The following KLRD1 variants were observed in gnomAD, a reference collection of about 807,000 sequenced individuals.
The protein encoded by KLRD1 is natural killer cells antigen CD94.
KLRD1 carries 21 observed loss-of-function variants against 22.6 expected under a neutral mutation model. The ratio of observed to expected loss-of-function variants is 0.93; its 90% confidence interval spans 0.66 to 1.34. The LOEUF is 1.34. Among genes scored for constraint, KLRD1 ranks in the 40% most tolerant of loss-of-function variants. KLRD1 has a pLI of 0.00. For synonymous variants in KLRD1, 59 were observed against 71.1 expected, an observed-to-expected ratio of 0.83 and a Z score of 0.85; for missense variants, 183 against 208.6, an observed-to-expected ratio of 0.88 and a Z score of 0.76.
chr12:10,240,260 C>T (rs981544487), intron 1 of KLRD1, among the ~76,000 whole-genome samples: 3 of 151,954 alleles, frequency 2.0e-5, no homozygotes, highest in African/African-American at 7.3e-5. Flanking sequence ...AGGGTTTTGC[C>T]ATGTTGCCCA....
intron 1 of KLRD1, among the ~76,000 whole-genome samples, chr12:10,241,964 A>G (rs145257261): frequency 7.6e-4 from 116 of 152,022 alleles, no homozygotes; most frequent in African/African-American, 2.7e-3. Context: ...TGACATCACA[A>G]TCTGAGTTGC....
chr12:10,307,990 C>G lies in KLRD1; in HGVS notation c.-88C>G. On this transcript the variant is annotated 5_prime_UTR_variant, in exon 1 of 6. Coordinates refer to ENST00000336164, the MANE Select transcript of KLRD1 (RefSeq NM_002262.5). ...ACTCAACTTTCAGATTCTTTAATCTCCAGCTCAGCTTCAACAATTCAACGC... is the reference window on the plus strand; with the variant it reads ...ACTCAACTTTCAGATTCTTTAATCTGCAGCTCAGCTTCAACAATTCAACGC... The G allele has an allele frequency of 1.7e-6, 2 of 1,186,394 alleles. No homozygotes were observed. The highest frequency in any genetic ancestry group is 1.3e-5 in the South Asian group (1 of 79,008). The allele number at this position is 1,186,394 out of a possible 1,614,324, so 73.5% of individuals were successfully genotyped here. A position where few individuals can be genotyped will look rare whatever the true frequency, so the allele number is the denominator to read the frequency against.
chr12:10,256,857 A>T (rs1341828538), intron 1 of KLRD1, among the ~76,000 whole-genome samples: 1 of 151,920 alleles, frequency 6.6e-6, no homozygotes, highest in African/African-American at 2.4e-5. Flanking sequence ...TACTCTATAG[A>T]ACTCTCTCTA....
chr12:10,279,585 TTC>T (rs1327491772), intron 1 of KLRD1, among the ~76,000 whole-genome samples: 1 of 152,228 alleles, frequency 6.6e-6, no homozygotes, highest in East Asian at 1.9e-4. Flanking sequence ...TGCCCATTAT[TTC>T]TGTTTACAAA....
At position 10,318,337 on chromosome 12, in the gene KLRD1, G is replaced by T. The variant is rs531953302; in HGVS notation, c.*3544G>T. 1 of 152,236 alleles carries T rather than the reference G, an allele frequency of 6.6e-6. No individual in the cohort carries two copies. The highest frequency in any genetic ancestry group is 1.9e-4 in the East Asian group (1 of 5,172). The allele number at this position is 152,236 out of a possible 1,614,324, so 9.4% of individuals were successfully genotyped here. ...ATTTGTTTATTGATAGCTTCCATAT[G>T]AGATAATTACAGATCTTGTCTCTGC... On this transcript the variant is annotated 3_prime_UTR_variant, in exon 6 of 6. Transcript: ENST00000336164.
intron 1 of KLRD1, among the ~76,000 whole-genome samples, chr12:10,283,702 G>A (rs1245856362): frequency 6.6e-6 from 1 of 152,000 alleles, no homozygotes; most frequent in Admixed American, 6.6e-5. Context: ...CCTGGAAGCT[G>A]GTTAGCCATG....
chr12:10,268,943 T>C (rs1201535060), intron 1 of KLRD1, among the ~76,000 whole-genome samples: 1 of 152,216 alleles, frequency 6.6e-6, no homozygotes, highest in Non-Finnish European at 1.5e-5. Context: ...TTATGTTGGC[T>C]CTTTTATGTA....
rs991168860 is a variant in KLRD1 at position 10,275,089 on chromosome 12, C to T, written c.-100-32889C>T. 7.9e-5 allele frequency among the ~76,000 whole-genome samples: 12 copies of T among 152,256 alleles called. No individual in the cohort carries two copies. In the South Asian group the frequency reaches 1.0e-3, roughly 13 times the overall value. Reference sequence around the variant, plus strand: ...ATTTTTAGTAGAGATGGGGTTTCACCATGTTGGTCAGGCTGGTCTCCAACT... The same window carrying T: ...ATTTTTAGTAGAGATGGGGTTTCACTATGTTGGTCAGGCTGGTCTCCAACT... On this transcript the variant is annotated intron_variant, in intron 1 of 5. Transcript: ENST00000544747.
intron 1 of KLRD1, among the ~76,000 whole-genome samples, chr12:10,239,514 C>T (rs28438412): frequency 3.0e-5 from 2 of 67,050 alleles, no homozygotes; most frequent in Non-Finnish European, 6.4e-5. Flanking sequence ...CCCTCCTTCC[C>T]TCCCCTTTCT....
chr12:10,300,095 T>C (rs1037973825), upstream of KLRD1, among the ~76,000 whole-genome samples: 1 of 152,196 alleles, frequency 6.6e-6, no homozygotes, highest in African/African-American at 2.4e-5. Context: ...TGGAATCAAC[T>C]CTTTCCAAAC....
chr12:10,252,349 C>A (rs934325313), intron 1 of KLRD1, among the ~76,000 whole-genome samples: 2 of 151,978 alleles, frequency 1.3e-5, no homozygotes, highest in Admixed American at 6.6e-5. Context: ...ATAAATAATA[C>A]AAAACTTAGC....
In KLRD1 at chr12:10,243,631, A is replaced by G. The variant is rs12305130; in HGVS notation, c.-101+17398A>G. The stretch of plus-strand genomic sequence containing the variant: ...CCAAAAAAAAAAAAAAAAAAAAAAA[A>G]AACCGAAATGAAAGATATGGAACAA... On this transcript the variant is annotated intron_variant, in intron 1 of 5. Transcript: ENST00000544747. 2.2e-3 allele frequency among the ~76,000 whole-genome samples: 264 copies of G among 118,778 alleles called. 17 individuals are homozygous for G. The highest frequency in any genetic ancestry group is 7.0e-3 in the African/African-American group (170 of 24,118). The allele number at this position is 118,778 out of a possible 152,430, so 77.9% of individuals were successfully genotyped here. A position where few individuals can be genotyped will look rare whatever the true frequency, so the allele number is the denominator to read the frequency against.
chr12:10,244,813 C>A (rs1949275889), intron 1 of KLRD1, among the ~76,000 whole-genome samples: 1 of 150,930 alleles, frequency 6.6e-6, no homozygotes, highest in East Asian at 2.0e-4. Flanking sequence ...AAAAAAAAAA[C>A]CAAAACAAAC....
chr12:10,254,708 G>T (rs529819314), intron 1 of KLRD1, among the ~76,000 whole-genome samples: 10 of 151,958 alleles, frequency 6.6e-5, no homozygotes, highest in Non-Finnish European at 1.3e-4. Flanking sequence ...GGTCAACATG[G>T]TGAAACCCTG....
chr12:10,293,169 C>CATATATATATATATATATATATATATAT (rs1565462121), intron 1 of KLRD1, among the ~76,000 whole-genome samples: 1 of 19,664 alleles, frequency 5.1e-5, no homozygotes, highest in Non-Finnish European at 1.4e-4. Context: ...TATATATATA[C>CATATATATATATATATATATATATATAT]ACATATACAC....
intron 1 of KLRD1, among the ~76,000 whole-genome samples, chr12:10,265,576 G>A (rs1395148388): frequency 1.3e-5 from 2 of 152,138 alleles, no homozygotes; most frequent in Non-Finnish European, 2.9e-5. Flanking sequence ...GGCCAAAATG[G>A]TGAAACCCTG....
chr12:10,253,021 A>G (rs1173839403), intron 1 of KLRD1, among the ~76,000 whole-genome samples: 1 of 152,142 alleles, frequency 6.6e-6, no homozygotes, highest in Admixed American at 6.5e-5. Flanking sequence ...TCCTCTGCAT[A>G]AAACATTTCT....
At chr12:10,263,104 AG>A (rs376936997) in intron 1 of KLRD1, among the ~76,000 whole-genome samples, 65 of 152,148 alleles carry the variant, frequency 4.3e-4, no homozygotes, top group African/African-American at 1.5e-3. Flanking sequence ...ACAGTAACAT[AG>A]CTTTTTCCTA....
rs529680079 is a variant in KLRD1 at position 10,297,372 on chromosome 12, C to G, written c.-100-10606C>G. On this transcript the variant is annotated intron_variant, in intron 1 of 5. Transcript: ENST00000544747. ...AAATTTTAACAAATCACACTCATTT[C>G]TGTACCTCTAGAAGATAGTTAAATG... Among the ~76,000 whole-genome samples, 29 of 152,238 alleles carry G rather than the reference C, an allele frequency of 1.9e-4. 1 individual carries two copies. In the South Asian group the frequency reaches 6.0e-3, roughly 32 times the overall value.
Sources: gnomAD v4.1 joint callset for allele counts (sites outside exome capture counted in the v4.1 genomes callset) on GRCh38, gnomAD v4.1.1 for gene constraint, MANE v1.5 for transcripts, NCBI Gene and HGNC (gene_info 2026-07-23, HGNC 2026-07-21) for gene names.